Variants in CNTNAP4 observed in about 807,000 individuals in gnomAD.
The protein encoded by CNTNAP4 is contactin associated protein family member 4, also known as contactin-associated protein-like 4.
A neutral mutation model predicts 148.4 loss-of-function variants in CNTNAP4; 98 were observed. The ratio of observed to expected loss-of-function variants is 0.66; its 90% CI spans 0.56 to 0.78. The LOEUF is 0.78. Ranked by LOEUF, CNTNAP4 falls within the 30% of genes least tolerant of loss-of-function variation. The pLI is 0.00. For missense variants in CNTNAP4, 1,935 were observed against 1,565.6 expected (o/e 1.24, Z -3.98); for synonymous variants, 730 against 565.1 (o/e 1.29, Z -4.14).
chr16:76,540,592 C>A, intron 20 of CNTNAP4, 111 bp from the exon 21 acceptor site: 2 of 604,672 alleles, frequency 3.3e-6, no homozygotes, highest in South Asian at 2.6e-5. Flanking sequence ...TGTTTGGGGC[C>A]ATGCTAACAA....
At chr16:76,444,607 T>C (rs1320110566) in intron 4 of CNTNAP4, among the ~76,000 whole-genome samples, 4 of 152,132 alleles carry the variant, frequency 2.6e-5, no homozygotes, top group Non-Finnish European at 5.9e-5. Flanking sequence ...ATTAACTTTA[T>C]GCCACATAAC....
Position 76,448,754 on chromosome 16 carries a change from C to A in CNTNAP4, c.743-13C>A. The A allele has an allele frequency of 6.6e-7, 1 of 1,504,948 alleles. No individual in the cohort carries two copies. The allele number at this position is 1,504,948 out of a possible 1,614,324, so 93.2% of individuals were successfully genotyped here. ...TGGCAATAATGGTGCTGTTATTTTT[C>A]TCCTCTTCTAAGGTGAAGCTAAACT... On this transcript the variant is annotated splice_polypyrimidine_tract_variant and intron_variant, in intron 5 of 23. Transcript: ENST00000611870.
At chr16:76,359,453 C>T (rs2013133314) in intron 3 of CNTNAP4, among the ~76,000 whole-genome samples, 1 of 152,092 alleles carries the variant, frequency 6.6e-6, no homozygotes, top group South Asian at 2.1e-4. Flanking sequence ...TTTGGTCTCA[C>T]TTTGAATGCC....
chr16:76,336,333 T>A (rs980585669), intron 2 of CNTNAP4, among the ~76,000 whole-genome samples: 13 of 152,232 alleles, frequency 8.5e-5, no homozygotes, highest in Admixed American at 2.6e-4. Flanking sequence ...GGGAGCCTAC[T>A]GTGAACATCT....
In CNTNAP4 at chr16:76,558,535, T is replaced by C. The variant is rs749295188; in HGVS notation, c.3779T>C (p.Ile1260Thr). ...VIFILLCITAIAVRIYQQKRL... is the reference protein window; with the variant it reads ...VIFILLCITATAVRIYQQKRL... ...TTTATCTTGCTTTGCATCACTGCCATAGCTGTTCGCATTTATCAGCAGAAA... is the reference window on the plus strand; with the variant it reads ...TTTATCTTGCTTTGCATCACTGCCACAGCTGTTCGCATTTATCAGCAGAAA... Residue 1260 changes from isoleucine (I) to threonine (T), a missense_variant, in exon 24 of 24, where the codon ATA becomes ACA. Ile to Thr is a moderately conservative substitution (Grantham distance 89). Coordinates refer to ENST00000611870, the MANE Select transcript of CNTNAP4 (RefSeq NM_033401.5). 1 of 1,611,590 alleles carries C rather than the reference T, an allele frequency of 6.2e-7. No individual in the cohort carries two copies. Among genetic ancestry groups the C allele is most frequent in the Non-Finnish European group, 8.5e-7 (1 of 1,177,862 alleles).
At chr16:76,315,559 T>C (rs1239656459) in intron 1 of CNTNAP4, among the ~76,000 whole-genome samples, 3 of 152,206 alleles carry the variant, frequency 2.0e-5, no homozygotes, top group Non-Finnish European at 4.4e-5. Flanking sequence ...CTCTTTTTGC[T>C]GATATATTTG....
intron 21 of CNTNAP4, among the ~76,000 whole-genome samples, chr16:76,549,440 T>A (rs1224424474): frequency 2.0e-5 from 3 of 152,060 alleles, no homozygotes; most frequent in African/African-American, 7.2e-5. Flanking sequence ...CCTAAGGTGA[T>A]CAGTGGCTGG....
Position 76,370,238 on chromosome 16 carries a change from G to A in CNTNAP4, c.390+14727G>A, listed in dbSNP as rs74026746. On this transcript the variant is annotated intron_variant, in intron 3 of 23. Transcript: ENST00000611870. ...GTAGTTTAAATCCATATATATAGCTGTGTGGGTTTCATATGTGCAGCATGT... is the reference window on the plus strand; with the variant it reads ...GTAGTTTAAATCCATATATATAGCTATGTGGGTTTCATATGTGCAGCATGT... Among the ~76,000 whole-genome samples the A allele has an allele frequency of 1.3e-3, 195 of 151,968 alleles. 1 individual carries two copies. The highest frequency in any genetic ancestry group is 1.5e-3 in the Non-Finnish European group (100 of 68,000).
chr16:76,281,984 C>T (rs1415956054), intron 1 of CNTNAP4, among the ~76,000 whole-genome samples: 1 of 151,774 alleles, frequency 6.6e-6, no homozygotes, highest in Non-Finnish European at 1.5e-5. Context: ...TATGTAACTA[C>T]TTACATAAGA....
In CNTNAP4 at chr16:76,470,482, A is replaced by ATATATATATATATATATATATATATAT. The variant is rs146482811; in HGVS notation, c.1655+2959_1655+2960insTATATATATATATATATATATATATAT. On this transcript the variant is annotated intron_variant, in intron 10 of 23. Transcript: ENST00000611870. ...ATAGCAAAACCACGTCTCTACTAAT[A>ATATATATATATATATATATATATATAT]ATATATATATATATAAAATTAGTCG... 1.8e-3 allele frequency among the ~76,000 whole-genome samples: 170 copies of ATATATATATATATATATATATATATAT among 96,922 alleles called. 7 individuals carry two copies. The highest frequency in any genetic ancestry group is 3.6e-3 in the Admixed American group (37 of 10,280). 63.6% of individuals were successfully genotyped at this position (96,922 alleles called of 152,430 possible).
At chr16:76,307,149 C>T (rs1960561425) in intron 1 of CNTNAP4, among the ~76,000 whole-genome samples, 1 of 152,032 alleles carries the variant, frequency 6.6e-6, no homozygotes, top group Non-Finnish European at 1.5e-5. Flanking sequence ...GAAAAAGCAA[C>T]TGAAACAAAT....
In CNTNAP4 at chr16:76,510,612, A is replaced by G. The variant is rs374788277; in HGVS notation, c.2366-10528A>G. ...TTCAGTAGTTTGCATATATGATCCC[A>G]TACTTGTCTGTGCTGAGGAATGCAG... is the stretch of plus-strand genomic sequence containing the variant. On this transcript the variant is annotated intron_variant, in intron 15 of 23. Coordinates refer to ENST00000611870, the MANE Select transcript of CNTNAP4 (RefSeq NM_033401.5). Among the ~76,000 whole-genome samples, 10 of 152,260 alleles carry G rather than the reference A, an allele frequency of 6.6e-5. No individual in the cohort carries two copies. The South Asian group carries it at 2.1e-3, about 32-fold the overall frequency.
At chr16:76,502,040 G>C (rs1433406044) in intron 15 of CNTNAP4, among the ~76,000 whole-genome samples, 1 of 151,178 alleles carries the variant, frequency 6.6e-6, no homozygotes, top group Non-Finnish European at 1.5e-5. Flanking sequence ...CTGCACTCCA[G>C]CCTGGGCGAC....
At chr16:76,330,133 A>C (rs573433428) in intron 2 of CNTNAP4, among the ~76,000 whole-genome samples, 1 of 152,308 alleles carries the variant, frequency 6.6e-6, no homozygotes, top group South Asian at 2.1e-4. Context: ...AGTTAAATAC[A>C]TCACCTCCAA....
chr16:76,335,808 C>T (rs1168113210), intron 2 of CNTNAP4, among the ~76,000 whole-genome samples: 1 of 152,138 alleles, frequency 6.6e-6, no homozygotes, highest in African/African-American at 2.4e-5. Flanking sequence ...TGCCGAGAAG[C>T]ACAGGAGGTA....
chr16:76,368,875 C>A (rs879654831), intron 3 of CNTNAP4, among the ~76,000 whole-genome samples: 3 of 152,058 alleles, frequency 2.0e-5, no homozygotes, highest in South Asian at 2.1e-4. Flanking sequence ...AGTTTACACT[C>A]GCCCCATTTG....
chr16:76,432,460 A>T (rs1476687498), intron 4 of CNTNAP4: 1 of 152,178 alleles, frequency 6.6e-6, no homozygotes, highest in Non-Finnish European at 1.5e-5. Context: ...AGAAACTATA[A>T]ATTTCCAATA....
chr16:76,368,053 C>G (rs991113717), intron 3 of CNTNAP4, among the ~76,000 whole-genome samples: 2 of 152,112 alleles, frequency 1.3e-5, no homozygotes, highest in South Asian at 2.1e-4. Context: ...TTTCAATTAG[C>G]TGCAAAGTAT....
intron 2 of CNTNAP4, among the ~76,000 whole-genome samples, chr16:76,349,363 G>T (rs989407930): frequency 6.6e-6 from 1 of 152,132 alleles, no homozygotes; most frequent in Non-Finnish European, 1.5e-5. Context: ...AAGTAGGCAA[G>T]GTCAAGATGG....
Sources: allele counts gnomAD v4.1 joint callset (sites outside exome capture counted in the v4.1 genomes callset), GRCh38; gene constraint gnomAD v4.1.1; transcripts MANE v1.5; gene names NCBI Gene and HGNC (gene_info 2026-07-23, HGNC 2026-07-21).